SGCG: variants seen among roughly 807,000 people sequenced by gnomAD.
SGCG encodes sarcoglycan gamma.
A neutral mutation model predicts 29.3 loss-of-function variants in SGCG; 26 were observed. That is an observed-to-expected ratio of 0.89 (90% CI 0.65 to 1.23). The LOEUF (loss-of-function observed/expected upper bound fraction) is 1.23, where lower values mean the gene tolerates loss of function less well. Among genes scored for constraint, SGCG ranks in the 50% most tolerant of loss-of-function variants. SGCG has a pLI of 0.00. For synonymous variants in SGCG, 145 were observed against 129.7 expected, an observed-to-expected ratio of 1.12 and a Z score of -0.80; for missense variants, 353 against 356.0, an observed-to-expected ratio of 0.99 and a Z score of 0.07.
intron 4 of SGCG, among the ~76,000 whole-genome samples, chr13:23,279,072 T>C (rs550910411): frequency 1.3e-5 from 2 of 152,332 alleles, no homozygotes; most frequent in African/African-American, 4.8e-5. Context: ...AACTATATTA[T>C]TTTGGGCAAG....
intron 4 of SGCG, among the ~76,000 whole-genome samples, chr13:23,277,133 A>C (rs1036093520): frequency 6.2e-4 from 94 of 152,206 alleles, no homozygotes; most frequent in African/African-American, 2.3e-3. Flanking sequence ...ATAACTATAG[A>C]AAAAAAATTG....
chr13:23,259,153 G>A (rs142833992), intron 4 of SGCG, among the ~76,000 whole-genome samples: 10 of 152,228 alleles, frequency 6.6e-5, no homozygotes, highest in East Asian at 5.8e-4. Flanking sequence ...GTAGAATTTG[G>A]CTGTAAATCC....
At chr13:23,268,032 A>C (rs935337090) in intron 4 of SGCG, 1 of 153,116 alleles carries the variant, frequency 6.5e-6, no homozygotes, top group Admixed American at 6.5e-5. Context: ...AATGATCCTC[A>C]AAGTTCTGCA....
At chr13:23,246,668 T>C (rs1879723255) in intron 3 of SGCG, 1 of 217,988 alleles carries the variant, frequency 4.6e-6, no homozygotes, top group South Asian at 7.9e-5. Context: ...GTCTGTGGCA[T>C]TTGGAGAAAT....
At chr13:23,243,287 C>T (rs1196366817) in intron 3 of SGCG, among the ~76,000 whole-genome samples, 6 of 152,168 alleles carry the variant, frequency 3.9e-5, no homozygotes, top group East Asian at 1.9e-4. Flanking sequence ...ACCAGCCACC[C>T]GCCTGCCCCT....
intron 2 of SGCG, among the ~76,000 whole-genome samples, chr13:23,216,842 T>C (rs770647349): frequency 5.3e-5 from 8 of 152,166 alleles, no homozygotes; most frequent in Non-Finnish European, 5.9e-5. Context: ...CTTACGCCAG[T>C]CATCCTGACA....
chr13:23,274,515 C>A (rs1306907547), intron 4 of SGCG, among the ~76,000 whole-genome samples: 1 of 150,658 alleles, frequency 6.6e-6, no homozygotes, highest in Non-Finnish European at 1.5e-5. Flanking sequence ...CTCCACCCCC[C>A]AGGTTGACGC....
chr13:23,324,604 A>T lies in SGCG; in HGVS notation c.*63A>T. ...CCCCAGATCCTCACACCCAGGGAGCAGCTGCACATCGTGAAAGACTGAGGC... is the reference window on the plus strand; with the variant it reads ...CCCCAGATCCTCACACCCAGGGAGCTGCTGCACATCGTGAAAGACTGAGGC... On this transcript the variant is annotated 3_prime_UTR_variant, in exon 8 of 8. Coordinates refer to ENST00000218867, the MANE Select transcript of SGCG (RefSeq NM_000231.3). The T allele has an allele frequency of 6.9e-7, 1 of 1,447,660 alleles. No individual in the cohort carries two copies. Among genetic ancestry groups the T allele is most frequent in the South Asian group, 1.2e-5 (1 of 86,866 alleles). The allele number at this position is 1,447,660 out of a possible 1,614,324, so 89.7% of individuals were successfully genotyped here.
chr13:23,203,940 C>A (rs370359749), intron 2 of SGCG, 51 bp downstream of exon 2: 17 of 1,270,124 alleles, frequency 1.3e-5, no homozygotes, highest in Non-Finnish European at 1.7e-5. Flanking sequence ...TTCACTGTAT[C>A]ACTTAGTCTG....
At chr13:23,174,604 GA>G in the SGCG span, among the ~76,000 whole-genome samples, 1 of 152,060 alleles carries the variant, frequency 6.6e-6, no homozygotes, top group Non-Finnish European at 1.5e-5. Flanking sequence ...TTGTAACAGA[GA>G]AAAACAAAGG....
intron 3 of SGCG, among the ~76,000 whole-genome samples, chr13:23,247,591 T>G (rs927844620): frequency 3.9e-5 from 6 of 152,074 alleles, no homozygotes; most frequent in Admixed American, 3.3e-4. Context: ...AATGTAGAAT[T>G]TTAAAAGTGA....
intron 6 of SGCG, among the ~76,000 whole-genome samples, chr13:23,314,389 T>TATATATATATATATATATATATATA (rs1882722668): frequency 1.1e-5 from 1 of 87,796 alleles, no homozygotes; most frequent in African/African-American, 3.3e-5. Flanking sequence ...AGGTTATATA[T>TATATATATATATATATATATATATA]ATATATATAT....
At chr13:23,295,331 C>G (rs1593095189) in intron 5 of SGCG, 84 bp from the exon 6 acceptor site, 1 of 1,123,174 alleles carries the variant, frequency 8.9e-7, no homozygotes, top group East Asian at 2.3e-5. Flanking sequence ...TCCATATGTT[C>G]TTTAATATCT....
chr13:23,189,087 C>G (rs980983732), intron 1 of SGCG, among the ~76,000 whole-genome samples: 1 of 152,188 alleles, frequency 6.6e-6, no homozygotes, highest in South Asian at 2.1e-4. Flanking sequence ...GCGGTCATCC[C>G]CCGTCCTCTC....
chr13:23,231,063 G>A (rs981355810), intron 2 of SGCG, among the ~76,000 whole-genome samples: 1 of 152,118 alleles, frequency 6.6e-6, no homozygotes, highest in South Asian at 2.1e-4. Context: ...TTTGTCTTTA[G>A]TTCTGTTTAT....
intron 2 of SGCG, among the ~76,000 whole-genome samples, chr13:23,211,739 G>A (rs1359010938): frequency 1.3e-5 from 2 of 152,152 alleles, no homozygotes; most frequent in East Asian, 3.9e-4. Flanking sequence ...CTGCCCTCCT[G>A]TTGCTCATTG....
intron 6 of SGCG, among the ~76,000 whole-genome samples, chr13:23,300,385 C>G (rs1284457217): frequency 6.6e-6 from 1 of 152,180 alleles, no homozygotes; most frequent in Non-Finnish European, 1.5e-5. Context: ...TACATAGAGA[C>G]TAGCTGCTGA....
intron 2 of SGCG, among the ~76,000 whole-genome samples, chr13:23,211,222 C>T (rs965646295): frequency 6.6e-6 from 1 of 152,062 alleles, no homozygotes; most frequent in East Asian, 1.9e-4. Context: ...ATTGCCTATA[C>T]CCACAGCAGA....
At chr13:23,292,655 A>G (rs945661108) in intron 5 of SGCG, among the ~76,000 whole-genome samples, 1 of 145,010 alleles carries the variant, frequency 6.9e-6, no homozygotes, top group African/African-American at 2.5e-5. Context: ...TCTCAGTCAT[A>G]ATATCATCTT....
Sources: gnomAD v4.1 joint callset for allele counts (sites outside exome capture counted in the v4.1 genomes callset) on GRCh38, gnomAD v4.1.1 for gene constraint, MANE v1.5 for transcripts, NCBI Gene and HGNC (gene_info 2026-07-23, HGNC 2026-07-21) for gene names.